Variants in MCU observed in about 807,000 individuals in gnomAD.
MCU encodes the protein calcium uniporter protein, mitochondrial.
In MCU, 12 loss-of-function variants were observed where a neutral mutation model predicts 45.2. That is an observed-to-expected ratio of 0.27 (90% CI 0.17 to 0.43). The LOEUF (loss-of-function observed/expected upper bound fraction) is 0.43. Among genes scored for constraint, MCU ranks in the 20% least tolerant of loss-of-function variants. MCU has a pLI of 1.00. For synonymous variants in MCU, 160 were observed against 165.1 expected (o/e 0.97, Z 0.24); for missense variants, 324 against 436.7 (o/e 0.74, Z 2.30).
At chr10:72,755,024 G>T (rs186747309) in intron 1 of MCU, among the ~76,000 whole-genome samples, 1 of 152,078 alleles carries the variant, frequency 6.6e-6, no homozygotes, top group Non-Finnish European at 1.5e-5. Flanking sequence ...CTAGTTAGCT[G>T]TGTGACCTTG....
intron 2 of MCU, among the ~76,000 whole-genome samples, chr10:72,842,329 A>T (rs1845060167): frequency 6.6e-6 from 1 of 152,212 alleles, no homozygotes; most frequent in South Asian, 2.1e-4. Context: ...TGAAACTTGG[A>T]TTTATAATCT....
Position 72,726,508 on chromosome 10 carries a change from GT to G in MCU, c.150+34216del, listed in dbSNP as rs924423005. On this transcript the variant is annotated intron_variant, in intron 1 of 7. Coordinates refer to ENST00000373053, the MANE Select transcript of MCU (RefSeq NM_138357.3). ...CTGGTGGACATTCACTTTGTTTCCT[GT>G]TTTTTTTTGTCACTGTGAACATTGT... 1.3e-4 allele frequency among the ~76,000 whole-genome samples: 20 copies of G among 149,862 alleles called. No homozygotes were observed. The South Asian group carries it at 2.9e-3, about 22-fold the overall frequency.
intron 2 of MCU, among the ~76,000 whole-genome samples, chr10:72,834,860 A>G (rs767851596): frequency 6.6e-6 from 1 of 152,074 alleles, no homozygotes; most frequent in Admixed American, 6.6e-5. Context: ...GGGTTTCACC[A>G]TGTTGGCCAG....
At position 72,722,477 on chromosome 10, in the gene MCU, G is replaced by GT. The variant is rs1163423270; in HGVS notation, c.150+30177dup. Among the ~76,000 whole-genome samples, 3 of 151,098 alleles carry GT rather than the reference G, an allele frequency of 2.0e-5. No homozygotes were observed. In the East Asian group the frequency reaches 5.8e-4, roughly 29 times the overall value. On this transcript the variant is annotated intron_variant, in intron 1 of 7. Transcript: ENST00000373053. The stretch of plus-strand genomic sequence containing the variant: ...TAGGCATAGCTAATATTACAGTGAG[G>GT]TAACAAGATTGAGTTGTAGTTATTG...
intron 1 of MCU, among the ~76,000 whole-genome samples, chr10:72,752,683 CATTT>C (rs948207084): frequency 5.0e-4 from 76 of 152,218 alleles, no homozygotes; most frequent in African/African-American, 1.8e-3. Flanking sequence ...TCACAGGAAA[CATTT>C]AGTTACAGAA....
At chr10:72,717,072 T>C (rs1032718104) in intron 1 of MCU, among the ~76,000 whole-genome samples, 4 of 151,958 alleles carry the variant, frequency 2.6e-5, no homozygotes, top group African/African-American at 9.7e-5. Flanking sequence ...TAGGCGATGC[T>C]TGTTTTCCCT....
At chr10:72,761,688 A>G (rs1373764305) in intron 1 of MCU, among the ~76,000 whole-genome samples, 1 of 152,214 alleles carries the variant, frequency 6.6e-6, no homozygotes, top group African/African-American at 2.4e-5. Flanking sequence ...CTTTTGGGCT[A>G]CAGGTGGTTT....
At chr10:72,808,433 A>T (rs368881713) in intron 1 of MCU, among the ~76,000 whole-genome samples, 25 of 152,224 alleles carry the variant, frequency 1.6e-4, no homozygotes, top group Admixed American at 1.6e-3. Context: ...ATAAAATTGT[A>T]TTAAGTTTTC....
chr10:72,884,550 A>C lies in MCU; in HGVS notation c.978+168A>C, dbSNP rs369102085. 804 of 510,978 alleles carry C rather than the reference A, an allele frequency of 1.6e-3. 1 individual carries two copies. The highest frequency in any genetic ancestry group is 2.2e-3 in the Non-Finnish European group (623 of 286,492). 31.7% of individuals were successfully genotyped at this position (510,978 alleles called of 1,614,324 possible). On this transcript the variant is annotated intron_variant, in intron 7 of 7. Coordinates refer to ENST00000373053, the MANE Select transcript of MCU (RefSeq NM_138357.3). ...TACAGTAACTATTTTAGGCATGGAC[A>C]TTTCTCTAGAAAGTTTTATAAAAAG...
chr10:72,882,621 A>G, intron 6 of MCU, among the ~76,000 whole-genome samples: 1 of 152,208 alleles, frequency 6.6e-6, no homozygotes, highest in Non-Finnish European at 1.5e-5. Flanking sequence ...TGGTCAGACC[A>G]GTTGCTCTCA....
chr10:72,719,008 G>A (rs1023976984), intron 1 of MCU, among the ~76,000 whole-genome samples: 2 of 152,070 alleles, frequency 1.3e-5, no homozygotes, highest in Admixed American at 6.6e-5. Flanking sequence ...GTATGAAGGG[G>A]GCTCCTGGGG....
At chr10:72,692,936 A>T (rs1842642474) in intron 1 of MCU, 5 of 1,524,962 alleles carry the variant, frequency 3.3e-6, no homozygotes, top group Non-Finnish European at 4.4e-6. Context: ...GCATTGCTTC[A>T]GGAGGCAAGC....
At chr10:72,768,744 A>G (rs1843764281) in intron 1 of MCU, among the ~76,000 whole-genome samples, 1 of 152,172 alleles carries the variant, frequency 6.6e-6, no homozygotes, top group Admixed American at 6.5e-5. Context: ...GCAATTTCTT[A>G]TTTTATGCTT....
At chr10:72,745,064 G>T (rs1202003511) in intron 1 of MCU, among the ~76,000 whole-genome samples, 2 of 151,682 alleles carry the variant, frequency 1.3e-5, no homozygotes, top group African/African-American at 2.4e-5. Context: ...TTGTTTTTGG[G>T]TTAGTCTGCA....
intron 4 of MCU, among the ~76,000 whole-genome samples, chr10:72,864,314 C>T (rs1449357451): frequency 2.6e-5 from 4 of 152,110 alleles, no homozygotes; most frequent in East Asian, 3.9e-4. Context: ...GGGACCCATA[C>T]GAAGTGCTAC....
intron 2 of MCU, among the ~76,000 whole-genome samples, chr10:72,858,334 T>C (rs1845324793): frequency 6.6e-6 from 1 of 152,170 alleles, no homozygotes; most frequent in African/African-American, 2.4e-5. Flanking sequence ...TTCAGCTCTC[T>C]GGCATCAAAA....
chr10:72,704,311 A>G (rs779555805), intron 1 of MCU, among the ~76,000 whole-genome samples: 7 of 152,220 alleles, frequency 4.6e-5, no homozygotes, highest in Non-Finnish European at 8.8e-5. Flanking sequence ...AATGTAGATT[A>G]TCACTTACTA....
intron 1 of MCU, among the ~76,000 whole-genome samples, chr10:72,723,559 A>G (rs748945310): frequency 6.6e-6 from 1 of 152,220 alleles, no homozygotes; most frequent in Admixed American, 6.5e-5. Context: ...TATATACAAC[A>G]TAAAACCATA....
intron 3 of MCU, 82 bp downstream of exon 3, chr10:72,859,429 C>G: frequency 7.6e-7 from 1 of 1,308,376 alleles, no homozygotes; most frequent in South Asian, 1.5e-5. Flanking sequence ...ACACCACACA[C>G]GTAGCTACAA....
Sources: allele counts gnomAD v4.1 joint callset (sites outside exome capture counted in the v4.1 genomes callset), GRCh38; gene constraint gnomAD v4.1.1; transcripts MANE v1.5; gene names NCBI Gene and HGNC (gene_info 2026-07-23, HGNC 2026-07-21).